SCAMP1: variants seen among roughly 807,000 people sequenced by gnomAD.
SCAMP1 encodes secretory carrier-associated membrane protein 1.
A neutral mutation model predicts 41.8 loss-of-function variants in SCAMP1; 15 were observed. The observed-to-expected ratio is 0.36, with a 90% CI of 0.24 to 0.55. SCAMP1 has a LOEUF of 0.55. Ranked by LOEUF, SCAMP1 falls within the 20% of genes least tolerant of loss-of-function variation. The probability of loss-of-function intolerance (pLI) is 0.86; values close to 1 mark genes in which losing one functional copy is unlikely to be tolerated. For synonymous variants in SCAMP1, 135 were observed against 136.8 expected (o/e 0.99, Z 0.09); for missense variants, 341 against 412.6 (o/e 0.83, Z 1.50).
chr5:78,431,325 A>C (rs946178839), intron 6 of SCAMP1, among the ~76,000 whole-genome samples: 1 of 151,096 alleles, frequency 6.6e-6, no homozygotes, highest in African/African-American at 2.4e-5. Context: ...ATGCTTTTGC[A>C]GACGCAACTA....
At chr5:78,367,407 A>T (rs534146967) in intron 1 of SCAMP1, among the ~76,000 whole-genome samples, 1 of 151,996 alleles carries the variant, frequency 6.6e-6, no homozygotes, top group East Asian at 1.9e-4. Flanking sequence ...CACCTGGTTT[A>T]TGGTTTCAGA....
intron 1 of SCAMP1, among the ~76,000 whole-genome samples, chr5:78,366,958 A>G (rs1031736685): frequency 2.4e-4 from 37 of 152,038 alleles, no homozygotes; most frequent in Non-Finnish European, 4.0e-4. Flanking sequence ...AAACAAAAAA[A>G]AGATATAAAA....
At chr5:78,465,176 A>G (rs866372109) in intron 8 of SCAMP1, among the ~76,000 whole-genome samples, 1 of 152,142 alleles carries the variant, frequency 6.6e-6, no homozygotes, top group South Asian at 2.1e-4. Flanking sequence ...TTACTGTGGC[A>G]CCTGGGCATA....
intron 2 of SCAMP1, among the ~76,000 whole-genome samples, chr5:78,413,125 A>G (rs1752122403): frequency 6.6e-6 from 1 of 152,156 alleles, no homozygotes; most frequent in Admixed American, 6.5e-5. Context: ...TAATCTTTGT[A>G]TATGATGCGA....
Position 78,479,225 on chromosome 5 carries a change from T to C in SCAMP1, c.*3557T>C, listed in dbSNP as rs1022631605. 1.3e-5 allele frequency among the ~76,000 whole-genome samples: 2 copies of C among 152,204 alleles called. No homozygotes were observed. Among genetic ancestry groups the C allele is most frequent in the Non-Finnish European group, 2.9e-5 (2 of 68,012 alleles). ...TCAGTTTTTCCTTAAGGAAAATGTT[T>C]AGAGGAATTTGTTCATTTCATGTGA... On this transcript the variant is annotated 3_prime_UTR_variant, in exon 9 of 9. Coordinates refer to ENST00000621999, the MANE Select transcript of SCAMP1 (RefSeq NM_004866.6).
Position 78,404,017 on chromosome 5 carries a change from GA to G in SCAMP1, c.136-11502del, listed in dbSNP as rs144188261. ...CATGCCTGTTGTCCTAGCTACTCAG[GA>G]GGCAGAAGGATTGCTTGAGCTCAGG... On this transcript the variant is annotated intron_variant, in intron 2 of 8. Transcript: ENST00000621999. 3.5e-3 allele frequency among the ~76,000 whole-genome samples: 512 copies of G among 145,430 alleles called. 4 individuals carry two copies. The highest frequency in any genetic ancestry group is 0.012 in the African/African-American group (471 of 39,608).
chr5:78,390,892 AGCACATCTT>A (rs1751473200), intron 2 of SCAMP1, among the ~76,000 whole-genome samples: 1 of 150,898 alleles, frequency 6.6e-6, no homozygotes, highest in Admixed American at 6.6e-5. Flanking sequence ...TGTTTAACAA[AGCACATCTT>A]GCACCGCCCT....
chr5:78,460,805 CTCCCTTCCTTCCTTCCTTTCTTGTCT>C (rs1753581815), intron 8 of SCAMP1, among the ~76,000 whole-genome samples: 1 of 38,364 alleles, frequency 2.6e-5, no homozygotes, highest in Non-Finnish European at 5.0e-5. Context: ...TCCTTCCTTC[CTCCCTTCCTTCCTTCCTTTCTTGTCT>C]TTCCTCTATC....
chr5:78,446,617 G>A (rs1753058419), intron 6 of SCAMP1, among the ~76,000 whole-genome samples: 2 of 152,088 alleles, frequency 1.3e-5, no homozygotes, highest in Admixed American at 1.3e-4. Context: ...AGTATTAAAA[G>A]TGATGTGTTC....
chr5:78,429,783 T>A (rs1263801946), intron 6 of SCAMP1, among the ~76,000 whole-genome samples: 1 of 152,092 alleles, frequency 6.6e-6, no homozygotes, highest in Non-Finnish European at 1.5e-5. Context: ...ATTTATTGTA[T>A]TTTGAGAAGC....
intron 2 of SCAMP1, among the ~76,000 whole-genome samples, chr5:78,408,661 C>T (rs1751992894): frequency 6.6e-6 from 1 of 152,130 alleles, no homozygotes; most frequent in Non-Finnish European, 1.5e-5. Context: ...AGTGTAGTGG[C>T]ATGATCTTGG....
intron 2 of SCAMP1, among the ~76,000 whole-genome samples, chr5:78,410,780 C>G (rs187506694): frequency 2.2e-4 from 34 of 152,324 alleles, no homozygotes; most frequent in African/African-American, 7.7e-4. Flanking sequence ...AAAAGCATTA[C>G]TTTTTCTCCA....
chr5:78,368,755 T>C (rs890899694), intron 1 of SCAMP1, among the ~76,000 whole-genome samples: 4 of 152,144 alleles, frequency 2.6e-5, no homozygotes, highest in African/African-American at 9.7e-5. Flanking sequence ...GGATTTAGTC[T>C]ACAGAGGGCT....
At chr5:78,403,941 ACT>A (rs1239062248) in intron 2 of SCAMP1, among the ~76,000 whole-genome samples, 8 of 95,082 alleles carry the variant, frequency 8.4e-5, no homozygotes, top group East Asian at 3.2e-4. Flanking sequence ...ACAGAGTGAG[ACT>A]CTGTCTCAAA....
chr5:78,404,989 T>C (rs964243021), intron 2 of SCAMP1, among the ~76,000 whole-genome samples: 4 of 152,268 alleles, frequency 2.6e-5, no homozygotes, highest in African/African-American at 9.6e-5. Context: ...AAGGTTTTTC[T>C]ACCCCAGTAA....
At chr5:78,373,794 A>C (rs1268798259) in intron 1 of SCAMP1, among the ~76,000 whole-genome samples, 1 of 152,158 alleles carries the variant, frequency 6.6e-6, no homozygotes, top group African/African-American at 2.4e-5. Flanking sequence ...TTCTTTTGCC[A>C]GTGGACCATC....
Position 78,475,847 on chromosome 5 carries a change from C to A in SCAMP1, c.*179C>A, listed in dbSNP as rs1446577276. 5 of 381,154 alleles carry A rather than the reference C, an allele frequency of 1.3e-5. No homozygotes were observed. Among genetic ancestry groups the A allele is most frequent in the African/African-American group, 1.0e-4 (5 of 48,030 alleles). 23.6% of individuals were successfully genotyped at this position (381,154 alleles called of 1,614,324 possible). On this transcript the variant is annotated 3_prime_UTR_variant, in exon 9 of 9. Transcript: ENST00000621999. ...GTCTTATTACTTTACCTAATAGTTT[C>A]TTAATATTTCAGTGCCCCTTGCAGA...
At chr5:78,424,034 G>A (rs952351702) in intron 6 of SCAMP1, among the ~76,000 whole-genome samples, 2 of 152,064 alleles carry the variant, frequency 1.3e-5, no homozygotes, top group African/African-American at 2.4e-5. Flanking sequence ...AGTAGAGACA[G>A]GGTTTAACCA....
At chr5:78,412,390 T>C (rs1025566775) in intron 2 of SCAMP1, among the ~76,000 whole-genome samples, 10 of 152,034 alleles carry the variant, frequency 6.6e-5, no homozygotes, top group Non-Finnish European at 1.2e-4. Context: ...TTTGTTTTTT[T>C]TTTAACATTC....
Sources: allele counts gnomAD v4.1 joint callset (sites outside exome capture counted in the v4.1 genomes callset), GRCh38; gene constraint gnomAD v4.1.1; transcripts MANE v1.5; gene names NCBI Gene and HGNC (gene_info 2026-07-23, HGNC 2026-07-21).